Variants in LMF1 observed in about 807,000 individuals in gnomAD.
LMF1 encodes transmembrane protein 112.
Under a neutral mutation model 60.6 loss-of-function variants are expected in LMF1, and 68 were observed. The observed-to-expected ratio is 1.12, with a 90% CI of 0.92 to 1.37. The LOEUF (loss-of-function observed/expected upper bound fraction) is 1.37. LMF1 is among the 40% of genes most tolerant of loss of function. The pLI is 0.00. For synonymous variants in LMF1, 418 were observed against 324.7 expected (o/e 1.29, Z -3.09); for missense variants, 948 against 767.2 (o/e 1.24, Z -2.78).
At chr16:868,168 C>T (rs748490187) in intron 10 of LMF1, among the ~76,000 whole-genome samples, 9 of 152,086 alleles carry the variant, frequency 5.9e-5, no homozygotes, top group South Asian at 2.1e-4. Flanking sequence ...GGTCTGGTCA[C>T]GTGGACGTCT....
At chr16:948,117 C>G (rs2072295351) in intron 2 of LMF1, among the ~76,000 whole-genome samples, 6 of 138,910 alleles carry the variant, frequency 4.3e-5, no homozygotes, top group South Asian at 2.3e-4. Context: ...CAGCCAACGA[C>G]AGTCAGCCAA....
intron 6 of LMF1, among the ~76,000 whole-genome samples, chr16:879,101 CGGGGGCT>C (rs1485790290): frequency 2.0e-5 from 3 of 151,788 alleles, no homozygotes; most frequent in Admixed American, 6.6e-5. Flanking sequence ...CCCGGGGTTC[CGGGGGCT>C]GGGGGAGGCA....
At position 890,679 on chromosome 16, in the gene LMF1, G is replaced by T. The variant is rs1310482823; in HGVS notation, c.729+2328C>A. On this transcript the variant is annotated intron_variant, in intron 5 of 10. Coordinates refer to ENST00000262301, the MANE Select transcript of LMF1 (RefSeq NM_022773.4). ...CAGAAGCTCAGCCATGTGGGCACAGGACCCCCCCATGTGTCTGGGCCTCTT... is the reference window on the plus strand; with the variant it reads ...CAGAAGCTCAGCCATGTGGGCACAGTACCCCCCCATGTGTCTGGGCCTCTT... Among the ~76,000 whole-genome samples the T allele has an allele frequency of 2.0e-5, 3 of 152,226 alleles. No homozygotes were observed. The East Asian group carries it at 5.8e-4, about 29-fold the overall frequency.
intron 5 of LMF1, 87 bp downstream of exon 5, chr16:892,920 G>C: frequency 1.0e-6 from 1 of 985,892 alleles, no homozygotes; most frequent in Non-Finnish European, 1.5e-6. Flanking sequence ...CAGCTCACCA[G>C]GGTGTGCAGG....
In LMF1 at chr16:854,412, C is replaced by T. The variant is rs2069130939; in HGVS notation, c.*120G>A. On this transcript the variant is annotated 3_prime_UTR_variant, in exon 11 of 11. Transcript: ENST00000262301. Reference sequence around the variant, plus strand: ...TGGACCCCCGTGCTGGGGGCTGGGTCCCACCGCTCTCCTCTCCACGTCTCT... The same window carrying T: ...TGGACCCCCGTGCTGGGGGCTGGGTTCCACCGCTCTCCTCTCCACGTCTCT... 1.9e-6 allele frequency: 2 copies of T among 1,029,236 alleles called. No individual in the cohort carries two copies. The highest frequency in any genetic ancestry group is 1.6e-5 in the African/African-American group (1 of 63,076). The allele number at this position is 1,029,236 out of a possible 1,614,324, so 63.8% of individuals were successfully genotyped here.
At chr16:870,552 T>G (rs1159680347) in intron 8 of LMF1, among the ~76,000 whole-genome samples, 177 bp downstream of exon 8, 1 of 152,162 alleles carries the variant, frequency 6.6e-6, no homozygotes, top group Non-Finnish European at 1.5e-5. Flanking sequence ...CGAGGAGGCC[T>G]GCGTGTCCAG....
chr16:946,346 G>C (rs1373403693), intron 2 of LMF1, among the ~76,000 whole-genome samples: 1 of 152,170 alleles, frequency 6.6e-6, no homozygotes, highest in African/African-American at 2.4e-5. Flanking sequence ...AGAAACCTCA[G>C]ATCCCAACTC....
chr16:860,804 G>C (rs1332016808), intron 10 of LMF1, among the ~76,000 whole-genome samples: 1 of 152,128 alleles, frequency 6.6e-6, no homozygotes, highest in Non-Finnish European at 1.5e-5. Flanking sequence ...GGGTCTCTTT[G>C]TGGGTTCTCT....
At position 853,900 on chromosome 16, in the gene LMF1, G is replaced by T. The variant is rs1157335423; in HGVS notation, c.*632C>A. On this transcript the variant is annotated 3_prime_UTR_variant, in exon 11 of 11. Transcript: ENST00000262301. The stretch of plus-strand genomic sequence containing the variant: ...TCATGGGGGGATGAAACCGGGCCAA[G>T]AACACATGTGTGCACAGGCTGTGTG... The T allele has an allele frequency of 4.4e-6, 2 of 454,134 alleles. No homozygotes were observed. The highest frequency in any genetic ancestry group is 2.3e-5 in the Admixed American group (1 of 42,580). 28.1% of individuals were successfully genotyped at this position (454,134 alleles called of 1,614,324 possible).
At chr16:891,268 C>G (rs995182561) in intron 5 of LMF1, among the ~76,000 whole-genome samples, 1 of 152,204 alleles carries the variant, frequency 6.6e-6, no homozygotes, top group Non-Finnish European at 1.5e-5. Context: ...GTGGTCCTGG[C>G]CAGGTGAGTC....
At chr16:944,918 T>TAA (rs35660928) in intron 2 of LMF1, among the ~76,000 whole-genome samples, 6 of 151,280 alleles carry the variant, frequency 4.0e-5, no homozygotes, top group Non-Finnish European at 7.4e-5. Flanking sequence ...CTTGTTAGGT[T>TAA]AAAAAAAATA....
In LMF1 at chr16:954,266, G is replaced by A. The variant is rs148794698; in HGVS notation, c.503+91C>T. The stretch of plus-strand genomic sequence containing the variant: ...CTGAAGGAATTTAAGATAAACGCTC[G>A]TCCAGTCTTTCCAAGTGCCAGGACA... On this transcript the variant is annotated intron_variant, in intron 2 of 10. Coordinates refer to ENST00000262301, the MANE Select transcript of LMF1 (RefSeq NM_022773.4). 5.7e-5 allele frequency: 73 copies of A among 1,284,356 alleles called. 1 individual carries two copies. The South Asian group carries it at 5.8e-4, about 10-fold the overall frequency. The allele number at this position is 1,284,356 out of a possible 1,614,324, so 79.6% of individuals were successfully genotyped here.
At chr16:865,318 C>T (rs1048041449) in intron 10 of LMF1, among the ~76,000 whole-genome samples, 6 of 152,198 alleles carry the variant, frequency 3.9e-5, no homozygotes, top group Non-Finnish European at 8.8e-5. Flanking sequence ...GATTGGAACT[C>T]AAGAGAAGGA....
intron 1 of LMF1, among the ~76,000 whole-genome samples, chr16:978,032 A>C (rs994854176): frequency 9.1e-6 from 1 of 109,754 alleles, no homozygotes; most frequent in Admixed American, 8.6e-5. Context: ...ACACACGCAC[A>C]CCACACATCA....
intron 2 of LMF1, among the ~76,000 whole-genome samples, chr16:948,142 A>T (rs1375723418): frequency 1.4e-5 from 2 of 145,850 alleles, no homozygotes; most frequent in African/African-American, 5.2e-5. Context: ...AAAGTCAGCC[A>T]ACGACAGAGT....
chr16:947,114 G>C (rs2072255891), intron 2 of LMF1, among the ~76,000 whole-genome samples: 3 of 152,222 alleles, frequency 2.0e-5, no homozygotes, highest in Middle Eastern at 3.2e-3. Flanking sequence ...AGGAGGACAC[G>C]ACCATGACCC....
intron 2 of LMF1, 123 bp from the exon 3 acceptor site, chr16:934,377 G>C: frequency 7.9e-7 from 1 of 1,266,834 alleles, no homozygotes; most frequent in Admixed American, 1.8e-5. Context: ...GGGAAGCCCT[G>C]CGAGGAGGAC....
chr16:969,720 C>G (rs1222851974), intron 1 of LMF1, among the ~76,000 whole-genome samples: 1 of 152,256 alleles, frequency 6.6e-6, no homozygotes, highest in Non-Finnish European at 1.5e-5. Context: ...CCCACGCGCC[C>G]CGCTGGCTGC....
At chr16:884,391 G>C (rs1458824971) in intron 5 of LMF1, among the ~76,000 whole-genome samples, 1 of 152,230 alleles carries the variant, frequency 6.6e-6, no homozygotes, top group African/African-American at 2.4e-5. Flanking sequence ...ATGCAAATGA[G>C]ACGAGAGTAG....
Sources: allele counts gnomAD v4.1 joint callset (sites outside exome capture counted in the v4.1 genomes callset), GRCh38; gene constraint gnomAD v4.1.1; transcripts MANE v1.5; gene names NCBI Gene and HGNC (gene_info 2026-07-23, HGNC 2026-07-21).